MREG: variants seen among roughly 807,000 people sequenced by gnomAD.
MREG encodes the protein dilute suppressor protein homolog.
A neutral mutation model predicts 28.5 loss-of-function variants in MREG; 31 were observed. The ratio of observed to expected loss-of-function variants is 1.09; its 90% CI spans 0.82 to 1.47. The LOEUF (loss-of-function observed/expected upper bound fraction) is 1.47. MREG is among the 40% of genes most tolerant of loss of function. The pLI, the probability that MREG is intolerant of heterozygous loss-of-function variation, is 0.00. For missense variants in MREG, 256 were observed against 257.4 expected, an observed-to-expected ratio of 0.99 and a Z score of 0.04; for synonymous variants, 106 against 95.2, an observed-to-expected ratio of 1.11 and a Z score of -0.66.
At chr2:216,018,634 A>T (rs1694479623) in intron 1 of MREG, among the ~76,000 whole-genome samples, 1 of 152,114 alleles carries the variant, frequency 6.6e-6, no homozygotes, top group African/African-American at 2.4e-5. Flanking sequence ...ATCATCACTC[A>T]CCCCAAGTGA....
upstream of MREG, among the ~76,000 whole-genome samples, chr2:216,013,811 C>G (rs938909273): frequency 6.6e-5 from 10 of 152,120 alleles, no homozygotes; most frequent in South Asian, 1.9e-3. Flanking sequence ...AGATCCTCCC[C>G]CACCCCTACA....
intron 1 of MREG, among the ~76,000 whole-genome samples, chr2:216,010,578 T>C (rs1326649906): frequency 1.5e-4 from 23 of 150,350 alleles, no homozygotes; most frequent in Non-Finnish European, 2.8e-4. Flanking sequence ...AGGATGGTCT[T>C]GATCTCCTGA....
At chr2:215,948,247 A>G (rs1560233) in intron 2 of MREG, among the ~76,000 whole-genome samples, 48,729 of 152,154 alleles carry the variant, frequency 0.32, 8,432 homozygotes, top group Non-Finnish European at 0.39. Context: ...TACCACTTGG[A>G]AAAAGAAAAG....
At position 215,943,333 on chromosome 2, in the gene MREG, G is replaced by A; in HGVS notation, c.*1530C>T. 2.2e-6 allele frequency: 1 copy of A among 454,584 alleles called. No individual in the cohort carries two copies. The highest frequency in any genetic ancestry group is 4.4e-6 in the Non-Finnish European group (1 of 225,766). 28.2% of individuals were successfully genotyped at this position (454,584 alleles called of 1,614,324 possible). On this transcript the variant is annotated 3_prime_UTR_variant, in exon 5 of 5. Coordinates refer to ENST00000263268, the MANE Select transcript of MREG (RefSeq NM_018000.3). Reference sequence around the variant, plus strand: ...CTCAATCTGTAGAGAGAAGCAAGCTGCATTCACAGCATTGCTCCCTTTTGA... The same window carrying A: ...CTCAATCTGTAGAGAGAAGCAAGCTACATTCACAGCATTGCTCCCTTTTGA...
chr2:215,959,297 A>G (rs776814759), intron 2 of MREG, among the ~76,000 whole-genome samples: 13 of 151,694 alleles, frequency 8.6e-5, no homozygotes, highest in Admixed American at 3.9e-4. Context: ...GATGTGTCCA[A>G]GTGGACGGGC....
chr2:216,008,518 G>A (rs1694220076), intron 1 of MREG, among the ~76,000 whole-genome samples: 1 of 152,204 alleles, frequency 6.6e-6, no homozygotes, highest in South Asian at 2.1e-4. Context: ...TTCCAAATCT[G>A]TTTTGCTCCT....
At chr2:216,002,434 C>T (rs1040063305) in intron 1 of MREG, among the ~76,000 whole-genome samples, 6 of 152,224 alleles carry the variant, frequency 3.9e-5, no homozygotes, top group African/African-American at 7.2e-5. Context: ...ACAGTGCACA[C>T]AGGCTGGCCT....
intron 2 of MREG, among the ~76,000 whole-genome samples, chr2:215,987,870 T>A (rs7564532): frequency 0.078 from 11,904 of 151,656 alleles, 540 homozygotes; most frequent in Non-Finnish European, 0.11. Flanking sequence ...ACCATTGCAC[T>A]CCAGCCTGGG....
intron 1 of MREG, among the ~76,000 whole-genome samples, chr2:216,021,816 G>T (rs1186711621): frequency 6.6e-6 from 1 of 152,194 alleles, no homozygotes; most frequent in East Asian, 1.9e-4. Flanking sequence ...ACTTTAGTCA[G>T]ATCCGACCCC....
At chr2:215,951,440 A>G (rs1011437122) in intron 2 of MREG, among the ~76,000 whole-genome samples, 6 of 152,236 alleles carry the variant, frequency 3.9e-5, no homozygotes, top group Admixed American at 1.3e-4. Flanking sequence ...AGTGACTTCA[A>G]TGCAATTCTA....
At chr2:215,958,706 G>C (rs1176419650) in intron 2 of MREG, among the ~76,000 whole-genome samples, 1 of 152,160 alleles carries the variant, frequency 6.6e-6, no homozygotes, top group Non-Finnish European at 1.5e-5. Context: ...TGCTCTCTAG[G>C]GAAAGGGCTA....
At chr2:216,019,054 C>T (rs1694485081) in intron 1 of MREG, among the ~76,000 whole-genome samples, 1 of 152,208 alleles carries the variant, frequency 6.6e-6, no homozygotes, top group African/African-American at 2.4e-5. Flanking sequence ...CAGACCCAAC[C>T]ACAATTGCTC....
At chr2:215,939,451 T>A (rs1692170516), downstream of MREG, 1 of 152,226 alleles carries the variant, frequency 6.6e-6, no homozygotes, top group Non-Finnish European at 1.5e-5. Flanking sequence ...TAATCCCAAA[T>A]AAGTCCTCCT....
chr2:216,004,866 T>G (rs1183749555), intron 1 of MREG, among the ~76,000 whole-genome samples: 1 of 152,152 alleles, frequency 6.6e-6, no homozygotes, highest in East Asian at 1.9e-4. Context: ...GGCACTGTTT[T>G]AAGAGAGTGG....
intron 2 of MREG, among the ~76,000 whole-genome samples, chr2:215,992,019 A>G (rs1359489478): frequency 2.6e-5 from 4 of 152,216 alleles, no homozygotes; most frequent in South Asian, 2.1e-4. Context: ...CCACAGAAAA[A>G]GAGGGACTCT....
At chr2:215,958,763 G>A (rs755789168) in intron 2 of MREG, among the ~76,000 whole-genome samples, 1 of 152,176 alleles carries the variant, frequency 6.6e-6, no homozygotes, top group Non-Finnish European at 1.5e-5. Context: ...TGATTTAGGG[G>A]AGTCTTATAG....
intron 2 of MREG, among the ~76,000 whole-genome samples, chr2:215,962,036 T>TG (rs1452319366): frequency 2.3e-4 from 35 of 152,342 alleles, no homozygotes; most frequent in African/African-American, 8.4e-4. Context: ...CTCTTTGCAA[T>TG]GCTCAACTGT....
chr2:216,018,835 A>G (rs1694482145), intron 1 of MREG, among the ~76,000 whole-genome samples: 1 of 152,228 alleles, frequency 6.6e-6, no homozygotes, highest in Non-Finnish European at 1.5e-5. Context: ...CCCCCAATTC[A>G]ATAGGCTGGC....
chr2:215,999,069 T>C (rs1014226735), intron 1 of MREG, among the ~76,000 whole-genome samples: 6 of 152,114 alleles, frequency 3.9e-5, no homozygotes, highest in Admixed American at 3.9e-4. Flanking sequence ...TGTAGAAGGA[T>C]CAGCTCAAGC....
Sources: gnomAD v4.1 joint callset for allele counts (sites outside exome capture counted in the v4.1 genomes callset) on GRCh38, gnomAD v4.1.1 for gene constraint, MANE v1.5 for transcripts, NCBI Gene and HGNC (gene_info 2026-07-23, HGNC 2026-07-21) for gene names.